The following PFKFB3 variants were observed in gnomAD, a reference collection of about 807,000 sequenced individuals.
PFKFB3 encodes 6-phosphofructo-2-kinase/fructose-2,6-biphosphatase 3, also known as 6-phosphofructo-2-kinase/fructose-2,6-bisphosphatase 3.
Under a neutral mutation model 68.0 loss-of-function variants are expected in PFKFB3, and 33 were observed. The ratio of observed to expected loss-of-function variants is 0.49; its 90% CI spans 0.37 to 0.65. The LOEUF (loss-of-function observed/expected upper bound fraction) is 0.65. Ranked by LOEUF, PFKFB3 falls within the 30% of genes least tolerant of loss-of-function variation. PFKFB3 has a pLI of 0.00. For synonymous variants in PFKFB3, 315 were observed against 288.2 expected (o/e 1.09, Z -0.94); for missense variants, 586 against 712.2 (o/e 0.82, Z 2.02).
At chr10:6,302,362 G>GTTTTTT in the PFKFB3 span, among the ~76,000 whole-genome samples, 3 of 78,492 alleles carry the variant, frequency 3.8e-5, no homozygotes, top group African/African-American at 1.9e-4. Flanking sequence ...TGCCTGGCCA[G>GTTTTTT]TTTTTTTTTT....
chr10:6,181,053 C>T (rs757368403), intron 1 of PFKFB3, among the ~76,000 whole-genome samples: 10 of 152,022 alleles, frequency 6.6e-5, no homozygotes, highest in East Asian at 3.9e-4. Flanking sequence ...CTGGCTCTGT[C>T]GCTCAGGCTG....
At chr10:6,150,041 G>A (rs931712871) in intron 1 of PFKFB3, 1 of 152,206 alleles carries the variant, frequency 6.6e-6, no homozygotes, top group Non-Finnish European at 1.5e-5. Flanking sequence ...CAATAAACTT[G>A]GGGTTTGGAT....
the PFKFB3 span, among the ~76,000 whole-genome samples, chr10:6,313,569 C>T: frequency 5.9e-5 from 9 of 152,208 alleles, no homozygotes; most frequent in East Asian, 1.5e-3. This position sits in a 1 kb window ranked among gnomAD's most constrained non-coding sequence, Gnocchi z 4.2. Context: ...GATTCCATCT[C>T]GCCTAAATGA....
chr10:6,240,254 T>TTATTG (rs1347830892), downstream of PFKFB3, among the ~76,000 whole-genome samples: 1 of 151,634 alleles, frequency 6.6e-6, no homozygotes, highest in Admixed American at 6.6e-5. Context: ...TTGAAATAAT[T>TTATTG]TATTTTATGT....
intron 13 of PFKFB3, chr10:6,224,424 C>A: frequency 1.6e-6 from 1 of 633,874 alleles, no homozygotes; most frequent in Non-Finnish European, 2.8e-6. Flanking sequence ...TTCCTGTGTC[C>A]TCTTCCTCCC....
the PFKFB3 span, among the ~76,000 whole-genome samples, chr10:6,280,952 C>A: frequency 6.6e-6 from 1 of 151,108 alleles, no homozygotes; most frequent in Non-Finnish European, 1.5e-5. Context: ...TCCCTCACCC[C>A]CTTCCCACCC....
intron 5 of PFKFB3, 94 bp from the exon 6 acceptor site, chr10:6,217,041 G>A: frequency 2.4e-6 from 3 of 1,274,910 alleles, no homozygotes; most frequent in Non-Finnish European, 3.4e-6. Context: ...TGGGTGGCGT[G>A]CTTCCGCCTT....
intron 1 of PFKFB3, among the ~76,000 whole-genome samples, chr10:6,192,484 C>T (rs11597669): frequency 6.6e-6 from 1 of 151,366 alleles, no homozygotes; most frequent in Non-Finnish European, 1.5e-5. Context: ...GCTTGCCAGC[C>T]TAGGGTTGCT....
the PFKFB3 span, among the ~76,000 whole-genome samples, chr10:6,295,650 C>A: frequency 6.6e-6 from 1 of 152,004 alleles, no homozygotes; most frequent in East Asian, 1.9e-4. Flanking sequence ...TTTTAGTGAG[C>A]CTGAGTTGGG....
intron 14 of PFKFB3, among the ~76,000 whole-genome samples, chr10:6,253,181 G>A (rs1344699180): frequency 6.6e-6 from 1 of 152,170 alleles, no homozygotes; most frequent in Non-Finnish European, 1.5e-5. Context: ...GCCTCCTAAA[G>A]TGCTGGGATT....
the PFKFB3 span, among the ~76,000 whole-genome samples, chr10:6,308,945 A>G: frequency 6.6e-6 from 1 of 152,260 alleles, no homozygotes; most frequent in African/African-American, 2.4e-5. Flanking sequence ...AGAACAAGTT[A>G]AAAGGCACAC....
Position 6,229,587 on chromosome 10 carries a change from G to C in PFKFB3, c.1515+3222G>C, listed in dbSNP as rs908411489. Among the ~76,000 whole-genome samples the C allele has an allele frequency of 7.9e-5, 12 of 152,028 alleles. No homozygotes were observed. Among genetic ancestry groups the C allele is most frequent in the African/African-American group, 2.7e-4 (11 of 41,294 alleles). ...AAGGTGGGCCTGCCCTTAACTTCCAGCTTCTTGGGGCGCACCCTCCATCCT... is the reference window on the plus strand; with the variant it reads ...AAGGTGGGCCTGCCCTTAACTTCCACCTTCTTGGGGCGCACCCTCCATCCT... On this transcript the variant is annotated intron_variant, in intron 14 of 14. Coordinates refer to ENST00000379775, the MANE Select transcript of PFKFB3 (RefSeq NM_004566.4). The surrounding 1 kb of genome is among the most constrained non-coding windows in gnomAD (Gnocchi z 4.3).
chr10:6,223,053 G>A lies in PFKFB3; in HGVS notation c.1213+69G>A, dbSNP rs965240392. ...ACTGGCACTCGGCGGGGGGTCAGCC[G>A]CAGACCTGCCGTGGCCTGCCCTGTG... On this transcript the variant is annotated intron_variant, in intron 11 of 14. Coordinates refer to ENST00000379775, the MANE Select transcript of PFKFB3 (RefSeq NM_004566.4). The A allele has an allele frequency of 4.5e-5, 68 of 1,517,194 alleles. No homozygotes were observed. In the Middle Eastern group the frequency reaches 1.4e-3, roughly 32 times the overall value. The allele number at this position is 1,517,194 out of a possible 1,614,324, so 94.0% of individuals were successfully genotyped here.
At chr10:6,232,050 C>A (rs938734980) in intron 14 of PFKFB3, among the ~76,000 whole-genome samples, 1 of 152,252 alleles carries the variant, frequency 6.6e-6, no homozygotes, top group African/African-American at 2.4e-5. Context: ...GCCACGGTGG[C>A]CCTGTGTGCC....
At chr10:6,264,659 C>T in the PFKFB3 span, among the ~76,000 whole-genome samples, 1 of 152,186 alleles carries the variant, frequency 6.6e-6, no homozygotes, top group Non-Finnish European at 1.5e-5. Context: ...TCCCTTTACT[C>T]AAAATGTTTT....
At position 6,213,675 on chromosome 10, in the gene PFKFB3, C is replaced by T; in HGVS notation, c.129C>T (p.Leu43=). 13 of 1,613,598 alleles carry T rather than the reference C, an allele frequency of 8.1e-6. No individual in the cohort carries two copies. The highest frequency in any genetic ancestry group is 1.7e-4 in the Middle Eastern group (1 of 6,054). The part of the protein sequence containing the change: ...NSPTVIVMVG[L]PARGKTYISK... ...CCACCGTCATCGTCATGGTGGGCCT[C>T]CCCGCCCGGGGCAAGACCTACATCT... is the stretch of plus-strand genomic sequence containing the variant. The change falls in exon 2 of 15, where the codon CTC becomes CTT. Residue 43 remains leucine, a synonymous_variant. Transcript: ENST00000379775.
intron 1 of PFKFB3, among the ~76,000 whole-genome samples, chr10:6,176,969 G>A (rs1451419227): frequency 6.6e-6 from 1 of 152,194 alleles, no homozygotes; most frequent in Non-Finnish European, 1.5e-5. Flanking sequence ...GCTGTCACTG[G>A]GCTCCAGGAT....
chr10:6,150,343 AGGCACGGT>A (rs1388665645), intron 1 of PFKFB3, among the ~76,000 whole-genome samples: 1 of 152,198 alleles, frequency 6.6e-6, no homozygotes, highest in Non-Finnish European at 1.5e-5. Flanking sequence ...CTTATAGGCC[AGGCACGGT>A]GGCTCATGCC....
In PFKFB3 at chr10:6,174,098, G is replaced by A. The variant is rs1842389728; in HGVS notation, c.16+29085G>A. Among the ~76,000 whole-genome samples, 4 of 151,888 alleles carry A rather than the reference G, an allele frequency of 2.6e-5. No homozygotes were observed. The South Asian group carries it at 8.3e-4, about 31-fold the overall frequency. On this transcript the variant is annotated intron_variant, in intron 1 of 14. Transcript: ENST00000379789. ...GAAGAGGCAAGTTCCAGTAGAAGGAGTCATTAGTCCTTACACGGTGCTCCT... is the reference window on the plus strand; with the variant it reads ...GAAGAGGCAAGTTCCAGTAGAAGGAATCATTAGTCCTTACACGGTGCTCCT...
Sources: allele counts gnomAD v4.1 joint callset (sites outside exome capture counted in the v4.1 genomes callset), GRCh38; gene constraint gnomAD v4.1.1; non-coding constraint Gnocchi (gnomAD v3.1); transcripts MANE v1.5; gene names NCBI Gene and HGNC (gene_info 2026-07-23, HGNC 2026-07-21).